The following PARD3 variants were observed in gnomAD, a reference collection of about 807,000 sequenced individuals.
PARD3 encodes the protein partitioning defective 3 homolog.
Under a neutral mutation model 155.4 loss-of-function variants are expected in PARD3, and 75 were observed. That is an observed-to-expected ratio of 0.48 (90% confidence interval 0.40 to 0.58). The LOEUF is 0.58. PARD3 is among the 20% of genes least tolerant of loss of function. The probability of loss-of-function intolerance (pLI) is 0.00; values close to 1 mark genes in which losing one functional copy is unlikely to be tolerated. For synonymous variants in PARD3, 576 were observed against 610.5 expected, an observed-to-expected ratio of 0.94 and a Z score of 0.83; for missense variants, 1,642 against 1,721.7, an observed-to-expected ratio of 0.95 and a Z score of 0.82.
chr10:34,814,726 G>A, intron 1 of PARD3, 150 bp downstream of exon 1: 2 of 630,362 alleles, frequency 3.2e-6, no homozygotes, highest in Non-Finnish European at 5.0e-6. Flanking sequence ...CCCGCAGTCC[G>A]GGGCGGGGGG....
In PARD3 at chr10:34,760,914, G is replaced by T. The variant is rs181160621; in HGVS notation, c.120+53962C>A. Among the ~76,000 whole-genome samples, 240 of 152,252 alleles carry T rather than the reference G, an allele frequency of 1.6e-3. 1 individual carries two copies. Among genetic ancestry groups the T allele is most frequent in the African/African-American group, 5.4e-3 (225 of 41,544 alleles). ...CCTGGCCCACAGAAACTATGAGTCA[G>T]TAAATGTCTGTTTTTTAAACCACTA... On this transcript the variant is annotated intron_variant, in intron 1 of 24. Transcript: ENST00000374788.
At chr10:34,502,940 T>C (rs114246878) in intron 3 of PARD3, among the ~76,000 whole-genome samples, 1,651 of 152,240 alleles carry the variant, frequency 0.011, 28 homozygotes, top group African/African-American at 0.037. Flanking sequence ...CTCCCTCTCC[T>C]CATAAGGGAT....
chr10:34,481,430 G>A (rs2079076369), intron 3 of PARD3, among the ~76,000 whole-genome samples: 1 of 152,158 alleles, frequency 6.6e-6, no homozygotes, highest in African/African-American at 2.4e-5. Flanking sequence ...AGGCAATGAT[G>A]TAAATGACCA....
chr10:34,722,580 C>T (rs1353594279), intron 1 of PARD3, among the ~76,000 whole-genome samples: 4 of 152,132 alleles, frequency 2.6e-5, no homozygotes, highest in Non-Finnish European at 4.4e-5. Context: ...TGGGGATGTT[C>T]CGTCTCACTC....
At chr10:34,197,143 C>A (rs1012496469) in intron 22 of PARD3, among the ~76,000 whole-genome samples, 1 of 152,116 alleles carries the variant, frequency 6.6e-6, no homozygotes, top group African/African-American at 2.4e-5. Flanking sequence ...GTTCTCCTCC[C>A]GATTTAAAGT....
In PARD3 at chr10:34,779,094, T is replaced by C. The variant is rs185778001; in HGVS notation, c.120+35782A>G. On this transcript the variant is annotated intron_variant, in intron 1 of 24. Transcript: ENST00000374788. ...GGGAGGCCGAGGTGGGCGGATCACT[T>C]GGGGTCAGGAGCTCAAGACCAGCCT... Among the ~76,000 whole-genome samples, 1,458 of 150,456 alleles carry C rather than the reference T, an allele frequency of 9.7e-3. 21 individuals are homozygous for C. The highest frequency in any genetic ancestry group is 0.033 in the African/African-American group (1,339 of 40,920).
intron 20 of PARD3, among the ~76,000 whole-genome samples, chr10:34,296,480 C>T (rs1213268468): frequency 4.6e-5 from 7 of 152,184 alleles, no homozygotes; most frequent in South Asian, 2.1e-4. Flanking sequence ...ATCCCTGTCT[C>T]GGCCTCCCAA....
chr10:34,727,363 C>T (rs1447741322), intron 1 of PARD3, among the ~76,000 whole-genome samples: 2 of 152,222 alleles, frequency 1.3e-5, no homozygotes, highest in Admixed American at 6.5e-5. Flanking sequence ...TTCTCAATTT[C>T]TCAGGCTGGC....
intron 1 of PARD3, among the ~76,000 whole-genome samples, chr10:34,795,354 T>C (rs1842133612): frequency 6.6e-6 from 1 of 152,216 alleles, no homozygotes; most frequent in Admixed American, 6.5e-5. Context: ...TTCATACCTA[T>C]AATCTCAGCA....
intron 2 of PARD3, among the ~76,000 whole-genome samples, chr10:34,615,509 C>G (rs1055217629): frequency 6.6e-6 from 1 of 152,092 alleles, no homozygotes; most frequent in Non-Finnish European, 1.5e-5. Context: ...GAAACTACTA[C>G]AAACAAACAC....
chr10:34,194,346 A>C (rs1054946357), intron 22 of PARD3, among the ~76,000 whole-genome samples: 1 of 152,162 alleles, frequency 6.6e-6, no homozygotes, highest in African/African-American at 2.4e-5. Context: ...CCACTGTTTC[A>C]GAAAGCTCCT....
At chr10:34,393,500 A>C (rs1284245043) in intron 7 of PARD3, among the ~76,000 whole-genome samples, 2 of 151,834 alleles carry the variant, frequency 1.3e-5, no homozygotes, top group Admixed American at 6.6e-5. Flanking sequence ...AAAATCACCT[A>C]AGCCCGGCAG....
chr10:34,180,957 C>T lies in PARD3; in HGVS notation c.3420-49374G>A, dbSNP rs1040205236. 2.0e-5 allele frequency among the ~76,000 whole-genome samples: 3 copies of T among 152,166 alleles called. No individual in the cohort carries two copies. In the South Asian group the frequency reaches 6.2e-4, roughly 32 times the overall value. ...TGCGCTTGTGGAACAGGAGCAAAGCCCAATATTTTTGGTCACCAGGGGAGC... is the reference window on the plus strand; with the variant it reads ...TGCGCTTGTGGAACAGGAGCAAAGCTCAATATTTTTGGTCACCAGGGGAGC... On this transcript the variant is annotated intron_variant, in intron 22 of 24. Transcript: ENST00000374788.
chr10:34,675,963 C>G (rs371040256), intron 2 of PARD3: 4 of 157,020 alleles, frequency 2.5e-5, no homozygotes, highest in African/African-American at 9.6e-5. Context: ...CCATCATGGA[C>G]GAGAGTGGTC....
intron 14 of PARD3, among the ~76,000 whole-genome samples, chr10:34,350,642 A>AG (rs1163770036): frequency 6.3e-4 from 30 of 47,686 alleles, no homozygotes; most frequent in Admixed American, 1.3e-3. Context: ...GCGGGGGGGG[A>AG]GGGGGGGTGG....
intron 22 of PARD3, among the ~76,000 whole-genome samples, chr10:34,253,984 G>A (rs1017376197): frequency 1.3e-5 from 2 of 152,100 alleles, no homozygotes; most frequent in African/African-American, 2.4e-5. Flanking sequence ...GGTACAGCAC[G>A]CACATTGCTC....
intron 2 of PARD3, among the ~76,000 whole-genome samples, chr10:34,683,348 C>T (rs145739075): frequency 1.3e-4 from 19 of 151,920 alleles, no homozygotes; most frequent in Admixed American, 3.3e-4. Context: ...ACCCAATATA[C>T]CTATGTAATA....
intron 5 of PARD3, chr10:34,426,609 A>G (rs2075619420): frequency 6.6e-6 from 1 of 152,246 alleles, no homozygotes; most frequent in Admixed American, 6.5e-5. Context: ...TAATAGTACC[A>G]TATCGGCTTA....
chr10:34,610,648 G>A (rs2090819236), intron 2 of PARD3, among the ~76,000 whole-genome samples: 1 of 152,144 alleles, frequency 6.6e-6, no homozygotes, highest in African/African-American at 2.4e-5. Context: ...CAGATTAGGA[G>A]TTTCCTTTTT....
Sources: allele counts gnomAD v4.1 joint callset (sites outside exome capture counted in the v4.1 genomes callset), GRCh38; gene constraint gnomAD v4.1.1; transcripts MANE v1.5; gene names NCBI Gene and HGNC (gene_info 2026-07-23, HGNC 2026-07-21).